The following EXOC2 variants were observed in gnomAD, a reference collection of about 807,000 sequenced individuals.
EXOC2 encodes SEC5-like 1.
A neutral mutation model predicts 131.8 loss-of-function variants in EXOC2; 70 were observed. The ratio of observed to expected loss-of-function variants is 0.53; its 90% CI spans 0.44 to 0.65. EXOC2 has a LOEUF of 0.65. Among genes scored for constraint, EXOC2 ranks in the 30% least tolerant of loss-of-function variants. The pLI is 0.00. For synonymous variants in EXOC2, 411 were observed against 398.4 expected, an observed-to-expected ratio of 1.03 and a Z score of -0.38; for missense variants, 923 against 1,108.6, an observed-to-expected ratio of 0.83 and a Z score of 2.38.
chr6:548,407 A>T (rs1581413822), intron 22 of EXOC2, among the ~76,000 whole-genome samples: 1 of 152,260 alleles, frequency 6.6e-6, no homozygotes, highest in East Asian at 1.9e-4. Context: ...AAGTGGTACT[A>T]GCATAGTTTT....
intron 13 of EXOC2, among the ~76,000 whole-genome samples, chr6:572,010 G>A (rs147800706): frequency 6.6e-6 from 1 of 152,240 alleles, no homozygotes; most frequent in African/African-American, 2.4e-5. Flanking sequence ...GACTGCAGAA[G>A]GTGGACGGGC....
At chr6:622,101 A>G (rs755319708) in intron 4 of EXOC2, among the ~76,000 whole-genome samples, 1 of 152,222 alleles carries the variant, frequency 6.6e-6, no homozygotes, top group African/African-American at 2.4e-5. Context: ...CTCAGCTAGA[A>G]AGAATGACAT....
At chr6:580,048 G>GTTTT (rs11373096) in intron 11 of EXOC2, among the ~76,000 whole-genome samples, 1 of 146,790 alleles carries the variant, frequency 6.8e-6, no homozygotes, top group Admixed American at 6.7e-5. Context: ...AGTTTTTTTT[G>GTTTT]TTTTTTTTTT....
intron 23 of EXOC2, among the ~76,000 whole-genome samples, chr6:520,622 C>A (rs1765358434): frequency 3.8e-5 from 1 of 26,250 alleles, no homozygotes; most frequent in African/African-American, 1.6e-4. Flanking sequence ...ACGAGAACCA[C>A]CACCCACCGA....
At chr6:690,606 G>C (rs1001069929) in intron 1 of EXOC2, among the ~76,000 whole-genome samples, 1 of 152,202 alleles carries the variant, frequency 6.6e-6, no homozygotes, top group Non-Finnish European at 1.5e-5. Context: ...GGGAGGCTGA[G>C]GCGGCAGAAT....
At chr6:577,651 C>G (rs544247484) in intron 11 of EXOC2, among the ~76,000 whole-genome samples, 2 of 152,150 alleles carry the variant, frequency 1.3e-5, no homozygotes, top group Admixed American at 6.5e-5. Context: ...GTCTAAAACA[C>G]CACTCTTTAG....
intron 23 of EXOC2, among the ~76,000 whole-genome samples, chr6:499,944 T>C (rs942160228): frequency 1.3e-5 from 2 of 152,172 alleles, no homozygotes; most frequent in Non-Finnish European, 2.9e-5. Context: ...ATGTTCTCTA[T>C]AACTGGCTCT....
At chr6:679,191 G>GAA (rs1279292731) in intron 1 of EXOC2, 1 of 151,850 alleles carries the variant, frequency 6.6e-6, no homozygotes, top group Non-Finnish European at 1.5e-5. Flanking sequence ...AGCCAAACAG[G>GAA]AAGTCTGCAA....
At chr6:625,661 G>A (rs527453277) in intron 4 of EXOC2, among the ~76,000 whole-genome samples, 1 of 151,640 alleles carries the variant, frequency 6.6e-6, no homozygotes, top group Non-Finnish European at 1.5e-5. Context: ...TTAATTTGCC[G>A]TCAGTTTTCC....
At chr6:526,667 C>A (rs1447836231) in intron 23 of EXOC2, among the ~76,000 whole-genome samples, 4 of 151,768 alleles carry the variant, frequency 2.6e-5, no homozygotes, top group African/African-American at 9.7e-5. Context: ...CTTGAACTCC[C>A]GACCTCAGGT....
At chr6:537,557 C>T (rs747766647) in intron 22 of EXOC2, among the ~76,000 whole-genome samples, 2 of 152,180 alleles carry the variant, frequency 1.3e-5, no homozygotes, top group African/African-American at 2.4e-5. Context: ...ACTCAGAGTT[C>T]CTAATCAGCT....
chr6:532,362 C>T (rs955955701), intron 23 of EXOC2, 107 bp downstream of exon 23: 2 of 1,164,388 alleles, frequency 1.7e-6, no homozygotes, highest in African/African-American at 3.2e-5. Flanking sequence ...TAATCTCTCA[C>T]TCTCAGTAGA....
chr6:530,148 T>G (rs1056794344), intron 23 of EXOC2, among the ~76,000 whole-genome samples: 11 of 152,176 alleles, frequency 7.2e-5, no homozygotes, highest in Admixed American at 6.5e-4. Flanking sequence ...CCGTGTACTG[T>G]TTATTAAAAA....
At chr6:554,727 T>TA (rs34262645) in intron 20 of EXOC2, among the ~76,000 whole-genome samples, 76,040 of 150,180 alleles carry the variant, frequency 0.51, 20,395 homozygotes, top group African/African-American at 0.68. Context: ...ACGGATTTCT[T>TA]AAAAAAAAAA....
intron 13 of EXOC2, among the ~76,000 whole-genome samples, chr6:569,172 A>C (rs543866187): frequency 2.6e-5 from 4 of 152,174 alleles, no homozygotes; most frequent in Non-Finnish European, 5.9e-5. Context: ...ATATTCATCA[A>C]TTATTTGGCT....
chr6:540,066 C>T (rs569702207), intron 22 of EXOC2, among the ~76,000 whole-genome samples: 1 of 152,328 alleles, frequency 6.6e-6, no homozygotes, highest in Admixed American at 6.5e-5. Flanking sequence ...CCTGTGTCTC[C>T]AGGACTTGTT....
At chr6:686,861 C>T (rs1172367944) in intron 1 of EXOC2, among the ~76,000 whole-genome samples, 1 of 152,124 alleles carries the variant, frequency 6.6e-6, no homozygotes, top group East Asian at 1.9e-4. Context: ...TGAACCAGGC[C>T]AGTGCAAATT....
intron 1 of EXOC2, among the ~76,000 whole-genome samples, chr6:640,697 C>T (rs1762314068): frequency 6.6e-6 from 1 of 152,172 alleles, no homozygotes; most frequent in African/African-American, 2.4e-5. Context: ...AAGACGCTGT[C>T]TACAAGCCAA....
At chr6:614,792 C>G (rs1286170798) in intron 6 of EXOC2, among the ~76,000 whole-genome samples, 1 of 151,418 alleles carries the variant, frequency 6.6e-6, no homozygotes, top group Non-Finnish European at 1.5e-5. Context: ...AATAGTGGAC[C>G]CTGAAGAAAC....
Sources: gnomAD v4.1 joint callset for allele counts (sites outside exome capture counted in the v4.1 genomes callset) on GRCh38, gnomAD v4.1.1 for gene constraint, MANE v1.5 for transcripts, NCBI Gene and HGNC (gene_info 2026-07-23, HGNC 2026-07-21) for gene names.